The following EPHA5 variants were observed in gnomAD, a reference collection of about 807,000 sequenced individuals.
The protein encoded by EPHA5 is EPH receptor A5.
Under a neutral mutation model 105.0 loss-of-function variants are expected in EPHA5, and 60 were observed. The observed-to-expected ratio is 0.57, with a 90% CI of 0.46 to 0.71. The LOEUF is 0.71. Among genes scored for constraint, EPHA5 ranks in the 30% least tolerant of loss-of-function variants. EPHA5 has a pLI of 0.00. For synonymous variants in EPHA5, 513 were observed against 449.1 expected (o/e 1.14, Z -1.80); for missense variants, 1,218 against 1,274.7 (o/e 0.96, Z 0.68).
intron 5 of EPHA5, among the ~76,000 whole-genome samples, chr4:65,469,988 G>T (rs1729131114): frequency 6.6e-6 from 1 of 151,984 alleles, no homozygotes; most frequent in African/African-American, 2.4e-5. Flanking sequence ...AAAAAGAAAA[G>T]AAAATCAAAG....
At chr4:65,404,103 A>T in intron 8 of EPHA5, among the ~76,000 whole-genome samples, 1 of 152,200 alleles carries the variant, frequency 6.6e-6, no homozygotes, top group African/African-American at 2.4e-5. Flanking sequence ...TATGTGTCAT[A>T]TAAAGAGATA....
intron 3 of EPHA5, among the ~76,000 whole-genome samples, chr4:65,497,604 C>G (rs1333221618): frequency 6.6e-6 from 1 of 151,954 alleles, no homozygotes; most frequent in Admixed American, 6.6e-5. Context: ...ACTTTAAACA[C>G]TATTTGCTTT....
intron 5 of EPHA5, among the ~76,000 whole-genome samples, chr4:65,472,412 G>A (rs1179997142): frequency 5.9e-5 from 9 of 152,174 alleles, no homozygotes; most frequent in African/African-American, 2.2e-4. Flanking sequence ...CCCCAGTGGG[G>A]ACACTGTGTG....
chr4:65,527,829 T>C lies in EPHA5; in HGVS notation c.911-32286A>G, dbSNP rs116423329. 4.0e-3 allele frequency among the ~76,000 whole-genome samples: 602 copies of C among 152,172 alleles called. 1 individual carries two copies. Among genetic ancestry groups the C allele is most frequent in the African/African-American group, 0.013 (529 of 41,526 alleles). The stretch of plus-strand genomic sequence containing the variant: ...GTGTCCACTAATTGTTTTTCCTGAT[T>C]CTCTCCCTCCTCCCATTCTCCACTC... On this transcript the variant is annotated intron_variant, in intron 3 of 16. Coordinates refer to ENST00000613740, the MANE Select transcript of EPHA5 (RefSeq NM_001281766.3).
At chr4:65,668,531 C>T (rs1424506760) in intron 1 of EPHA5, among the ~76,000 whole-genome samples, 2 of 152,138 alleles carry the variant, frequency 1.3e-5, no homozygotes, top group South Asian at 2.1e-4. Context: ...GAGACCCGAG[C>T]TCAGTCCGGG....
intron 16 of EPHA5, among the ~76,000 whole-genome samples, chr4:65,329,699 T>C (rs1271985078): frequency 6.6e-6 from 1 of 151,268 alleles, no homozygotes; most frequent in Non-Finnish European, 1.5e-5. Flanking sequence ...TACTTAGGTA[T>C]GGGGTAAAGA....
At chr4:65,366,629 C>A (rs1240700287) in intron 9 of EPHA5, among the ~76,000 whole-genome samples, 1 of 151,758 alleles carries the variant, frequency 6.6e-6, no homozygotes, top group East Asian at 1.9e-4. Flanking sequence ...ACTGCCTCAT[C>A]AAGTTTTTTG....
In EPHA5 at chr4:65,490,438, C is replaced by T. The variant is rs779276771; in HGVS notation, c.1341G>A (p.Val447=). Residue 447 remains valine (V), a synonymous_variant, in exon 5 of 17, where the codon GTG becomes GTA. Transcript: ENST00000613740. ...GCCGGGCTCCTGGGCTCAAGTCGGA[C>T]ACTCCATTCACTGCCTCAATCTCAA... ...YTFEIEAVNG[V]SDLSPGARQY... The T allele has an allele frequency of 1.2e-6, 2 of 1,614,136 alleles. No individual in the cohort carries two copies. The highest frequency in any genetic ancestry group is 8.5e-7 in the Non-Finnish European group (1 of 1,180,014).
At chr4:65,657,909 A>G (rs1046148973) in intron 1 of EPHA5, among the ~76,000 whole-genome samples, 56 of 151,942 alleles carry the variant, frequency 3.7e-4, no homozygotes, top group Admixed American at 3.0e-3. Flanking sequence ...AAAAAAAAAA[A>G]AAAAAAAAAA....
intron 2 of EPHA5, among the ~76,000 whole-genome samples, chr4:65,623,556 G>A (rs921399844): frequency 6.6e-6 from 1 of 152,252 alleles, no homozygotes; most frequent in East Asian, 1.9e-4. Context: ...TAAGTGCTAT[G>A]AGGAGATACA....
chr4:65,400,461 G>T (rs970616197), intron 8 of EPHA5, among the ~76,000 whole-genome samples: 1 of 152,046 alleles, frequency 6.6e-6, no homozygotes, highest in South Asian at 2.1e-4. Flanking sequence ...TAAAAAGGAA[G>T]ATCACCCACA....
chr4:65,566,252 G>C (rs1739522411), intron 3 of EPHA5, among the ~76,000 whole-genome samples: 2 of 151,704 alleles, frequency 1.3e-5, no homozygotes, highest in Admixed American at 6.6e-5. Flanking sequence ...TATAATAACA[G>C]TCTAAATGGA....
intron 3 of EPHA5, among the ~76,000 whole-genome samples, chr4:65,541,621 A>T (rs1348285164): frequency 6.6e-6 from 1 of 151,938 alleles, no homozygotes; most frequent in Non-Finnish European, 1.5e-5. Flanking sequence ...GAGACCTACA[A>T]AGAGACTTAG....
At chr4:65,606,340 A>C (rs1744226979) in intron 2 of EPHA5, among the ~76,000 whole-genome samples, 1 of 152,204 alleles carries the variant, frequency 6.6e-6, no homozygotes, top group African/African-American at 2.4e-5. Flanking sequence ...TATACATATA[A>C]CTTCTTAATT....
chr4:65,343,003 C>A (rs1351428982), intron 14 of EPHA5, among the ~76,000 whole-genome samples: 1 of 151,936 alleles, frequency 6.6e-6, no homozygotes, highest in Non-Finnish European at 1.5e-5. Context: ...AAAAATCCTT[C>A]CAATATAAGA....
At position 65,366,001 on chromosome 4, in the gene EPHA5, G is replaced by A. The variant is rs762252936; in HGVS notation, c.1918C>T (p.Gln640Ter). Residue 640 changes from glutamine to a stop codon, truncating the protein, a stop_gained, in exon 10 of 17, where the codon CAA becomes TAA. Coordinates refer to ENST00000613740, the MANE Select transcript of EPHA5 (RefSeq NM_001281766.3). LOFTEE classifies it high-confidence loss of function. ...TCCTTAGCAAATTCGTGGACAGCTT[G>A]ATTGGGATCCTCATAGGTATGTGGA... ...IDPHTYEDPN[Q>*]AVHEFAKEIE... 6.2e-7 allele frequency: 1 copy of A among 1,608,992 alleles called. No homozygotes were observed. Among genetic ancestry groups the A allele is most frequent in the Non-Finnish European group, 8.5e-7 (1 of 1,176,498 alleles).
At chr4:65,450,009 T>A (rs150221986) in intron 5 of EPHA5, among the ~76,000 whole-genome samples, 71 of 152,316 alleles carry the variant, frequency 4.7e-4, no homozygotes, top group African/African-American at 1.7e-3. Flanking sequence ...TCCTTTGTTA[T>A]GTCAACTCTA....
At chr4:65,637,226 T>TTG (rs1401577781) in intron 2 of EPHA5, among the ~76,000 whole-genome samples, 16 of 3,324 alleles carry the variant, frequency 4.8e-3, no homozygotes, top group African/African-American at 7.8e-3. Context: ...CACAGAAAAG[T>TTG]TTTTTTTTTT....
chr4:65,470,193 GT>G (rs200526810), intron 5 of EPHA5, among the ~76,000 whole-genome samples: 14,598 of 143,476 alleles, frequency 0.1, 782 homozygotes, highest in East Asian at 0.2. Flanking sequence ...TTCTTTCTTT[GT>G]TTTTTTTTTT....
Sources: gnomAD v4.1 joint callset for allele counts (sites outside exome capture counted in the v4.1 genomes callset) on GRCh38, gnomAD v4.1.1 for gene constraint, MANE v1.5 for transcripts, NCBI Gene and HGNC (gene_info 2026-07-23, HGNC 2026-07-21) for gene names.